The following ANKRD27 variants were observed in gnomAD, a reference collection of about 807,000 sequenced individuals.
The protein encoded by ANKRD27 is ankyrin repeat domain 27.
In ANKRD27, 112 loss-of-function variants were observed where a neutral mutation model predicts 129.7. The observed-to-expected ratio is 0.86, with a 90% CI of 0.74 to 1.01. The LOEUF (loss-of-function observed/expected upper bound fraction) is 1.01. Ranked by LOEUF, ANKRD27 falls within the 50% of genes least tolerant of loss-of-function variation. ANKRD27 has a pLI of 0.00. For missense variants in ANKRD27, 1,258 were observed against 1,300.5 expected (o/e 0.97, Z 0.50); for synonymous variants, 516 against 511.2 (o/e 1.01, Z -0.13).
At chr19:32,626,455 T>A (rs1449680653) in intron 16 of ANKRD27, among the ~76,000 whole-genome samples, 1 of 152,150 alleles carries the variant, frequency 6.6e-6, no homozygotes, top group African/African-American at 2.4e-5. Context: ...ATTACAGGCG[T>A]GAGCTACCAC....
chr19:32,603,789 T>C (rs1868984160), intron 25 of ANKRD27, among the ~76,000 whole-genome samples: 1 of 152,222 alleles, frequency 6.6e-6, no homozygotes, highest in African/African-American at 2.4e-5. Flanking sequence ...TCCTCCTTCC[T>C]TGGCCTCCCA....
At chr19:32,674,781 C>A (rs1455008836) in intron 1 of ANKRD27, among the ~76,000 whole-genome samples, 1 of 151,990 alleles carries the variant, frequency 6.6e-6, no homozygotes, top group East Asian at 1.9e-4. Context: ...CCACACCCGC[C>A]GGTGTCGACG....
chr19:32,623,583 T>C lies in ANKRD27; in HGVS notation c.1630-964A>G, dbSNP rs1972046409. 1.3e-5 allele frequency among the ~76,000 whole-genome samples: 2 copies of C among 149,080 alleles called. 1 individual carries two copies. The highest frequency in any genetic ancestry group is 4.4e-4 in the South Asian group (2 of 4,570). On this transcript the variant is annotated intron_variant, in intron 17 of 28. Transcript: ENST00000306065. Reference sequence around the variant, plus strand: ...TTTTTTTTTTGAGACACAGTCTCGCTCTGTCGCCTAGGCTGGAGTACAGCA... The same window carrying C: ...TTTTTTTTTTGAGACACAGTCTCGCCCTGTCGCCTAGGCTGGAGTACAGCA...
chr19:32,671,943 C>T (rs1485686571), intron 1 of ANKRD27, among the ~76,000 whole-genome samples: 1 of 152,124 alleles, frequency 6.6e-6, no homozygotes, highest in Non-Finnish European at 1.5e-5. Context: ...CCATGTGAGG[C>T]CTCAAACTAG....
Position 32,640,291 on chromosome 19 carries a change from TA to T in ANKRD27, c.983+15del, listed in dbSNP as rs1568410844. 2 of 1,608,846 alleles carry T rather than the reference TA, an allele frequency of 1.2e-6. No individual in the cohort carries two copies. Among genetic ancestry groups the T allele is most frequent in the Admixed American group, 3.3e-5 (2 of 59,964 alleles). On this transcript the variant is annotated intron_variant, in intron 11 of 28. Coordinates refer to ENST00000306065, the MANE Select transcript of ANKRD27 (RefSeq NM_032139.3). ...CACTGCCATTTTCAAAAGAGTATCT[TA>T]AAAGAAAATGTTACCAATTAGGGAT...
intron 22 of ANKRD27, among the ~76,000 whole-genome samples, chr19:32,614,857 C>G (rs1443483588): frequency 6.6e-6 from 1 of 152,052 alleles, no homozygotes; most frequent in African/African-American, 2.4e-5. Flanking sequence ...GAACTAAGAT[C>G]CACGGATTGC....
At chr19:32,644,863 C>T (rs1467711527) in intron 4 of ANKRD27, among the ~76,000 whole-genome samples, 1 of 152,162 alleles carries the variant, frequency 6.6e-6, no homozygotes, top group African/African-American at 2.4e-5. Context: ...GAAGCTGACA[C>T]CCAGAGACAA....
intron 23 of ANKRD27, among the ~76,000 whole-genome samples, chr19:32,606,792 T>C (rs1386886222): frequency 1.3e-5 from 2 of 151,702 alleles, no homozygotes; most frequent in African/African-American, 2.4e-5. Context: ...TGAAAAAATA[T>C]ACACACAGTT....
intron 12 of ANKRD27, chr19:32,638,903 C>T (rs923754359): frequency 1.9e-5 from 4 of 214,968 alleles, no homozygotes; most frequent in South Asian, 1.7e-4. Context: ...TAGCACAAGC[C>T]GAGCGCAGCC....
chr19:32,600,187 A>G, intron 26 of ANKRD27, 137 bp from the exon 27 acceptor site: 1 of 652,718 alleles, frequency 1.5e-6, no homozygotes, highest in Non-Finnish European at 2.6e-6. Flanking sequence ...TGCTTAAAGA[A>G]ACACAGCTAG....
At chr19:32,605,731 G>A (rs1971722430) in intron 24 of ANKRD27, 104 bp downstream of exon 24, 1 of 1,487,274 alleles carries the variant, frequency 6.7e-7, no homozygotes, top group Non-Finnish European at 9.1e-7. Context: ...GGGTTGATGG[G>A]TGGCCGGGCC....
chr19:32,632,216 G>A lies in ANKRD27; in HGVS notation c.1117-722C>T, dbSNP rs1967006791. 2.0e-5 allele frequency among the ~76,000 whole-genome samples: 3 copies of A among 152,108 alleles called. No homozygotes were observed. In the South Asian group the frequency reaches 6.2e-4, roughly 32 times the overall value. Reference sequence around the variant, plus strand: ...AGGCAGAAGAATCACTTAAACCTGGGAGGCAGAGGTTACAGTGAGCTGAGA... The same window carrying A: ...AGGCAGAAGAATCACTTAAACCTGGAAGGCAGAGGTTACAGTGAGCTGAGA... On this transcript the variant is annotated intron_variant, in intron 12 of 28. Transcript: ENST00000306065.
chr19:32,621,014 T>C (rs1312566681), intron 18 of ANKRD27, among the ~76,000 whole-genome samples: 1 of 152,022 alleles, frequency 6.6e-6, no homozygotes, highest in Admixed American at 6.6e-5. Flanking sequence ...TCAAGTTGTA[T>C]ACACTGACTA....
In ANKRD27 at chr19:32,646,465, T is replaced by A. The variant is rs772178514; in HGVS notation, c.364A>T (p.Ser122Cys). ...GTTTTTTCTCCCAGAATACCTGAACTCTCTCTCTTTTCCAAAGGATGGGCT... is the reference window on the plus strand; with the variant it reads ...GTTTTTTCTCCCAGAATACCTGAACACTCTCTCTTTTCCAAAGGATGGGCT... ...CIAHPLEKRESSEEPLAPSDP... is the reference protein window; with the variant it reads ...CIAHPLEKRECSEEPLAPSDP... Residue 122 changes from serine (S) to cysteine (C), a missense_variant, in exon 4 of 29, where the codon AGT (serine) becomes TGT (cysteine). Physicochemically the swap from Ser to Cys is moderately radical, Grantham distance 112. Coordinates refer to ENST00000306065, the MANE Select transcript of ANKRD27 (RefSeq NM_032139.3). 1.2e-6 allele frequency: 2 copies of A among 1,602,940 alleles called. No homozygotes were observed. The highest frequency in any genetic ancestry group is 1.7e-6 in the Non-Finnish European group (2 of 1,176,740).
rs200238762 is a variant in ANKRD27 at position 32,619,500 on chromosome 19, C to T, written c.1881G>A (p.Ser627=). The change falls in exon 19 of 29, where the codon TCG becomes TCA. Residue 627 remains serine (S), a synonymous_variant. Coordinates refer to ENST00000306065, the MANE Select transcript of ANKRD27 (RefSeq NM_032139.3). ...CTCAGCCCGGCTGACTTACCTCGGA[C>T]GACTTCTGCCTCCTCTCGAAGGACA... ...YHLSFERRQK[S]SEAPVQSPQR... 9 of 1,614,080 alleles carry T rather than the reference C, an allele frequency of 5.6e-6. No homozygotes were observed. In the African/African-American group the frequency reaches 8.0e-5, roughly 14 times the overall value.
At chr19:32,628,019 G>A in intron 15 of ANKRD27, 64 bp downstream of exon 15, 1 of 1,485,716 alleles carries the variant, frequency 6.7e-7, no homozygotes, top group Middle Eastern at 1.9e-4. Context: ...CCTCTCTGCT[G>A]GGTCACCTTG....
intron 2 of ANKRD27, among the ~76,000 whole-genome samples, chr19:32,651,670 T>C (rs542662296): frequency 1.7e-4 from 26 of 152,034 alleles, no homozygotes; most frequent in Non-Finnish European, 3.1e-4. Flanking sequence ...ACGCCTGGCC[T>C]CGAAGCAGGA....
chr19:32,628,670 A>G, intron 14 of ANKRD27, 52 bp downstream of exon 14: 1 of 1,608,300 alleles, frequency 6.2e-7, no homozygotes, highest in South Asian at 1.1e-5. Context: ...AAGGTCCAGG[A>G]GGCCTGTCTC....
At chr19:32,671,792 T>C (rs1568423834) in intron 1 of ANKRD27, among the ~76,000 whole-genome samples, 1 of 152,246 alleles carries the variant, frequency 6.6e-6, no homozygotes, top group Non-Finnish European at 1.5e-5. Context: ...GTGAATCTTC[T>C]TATAAAACTT....
Sources: allele counts gnomAD v4.1 joint callset (sites outside exome capture counted in the v4.1 genomes callset), GRCh38; gene constraint gnomAD v4.1.1; transcripts MANE v1.5; gene names NCBI Gene and HGNC (gene_info 2026-07-23, HGNC 2026-07-21).